Variants in PRSS3 observed in about 807,000 individuals in gnomAD.
The protein encoded by PRSS3 is trypsin-3.
A neutral mutation model predicts 20.8 loss-of-function variants in PRSS3; 14 were observed. The observed-to-expected ratio is 0.67, with a 90% confidence interval of 0.44 to 1.05. The LOEUF (loss-of-function observed/expected upper bound fraction) is 1.05. PRSS3 is among the 50% of genes least tolerant of loss of function. The pLI is 0.00. For missense variants in PRSS3, 237 were observed against 306.4 expected, an observed-to-expected ratio of 0.77 and a Z score of 1.69; for synonymous variants, 91 against 117.6, an observed-to-expected ratio of 0.77 and a Z score of 1.46.
chr9:33,777,531 CAAAAAAAAA>C (rs74180503), intron 1 of PRSS3, among the ~76,000 whole-genome samples: 2 of 101,874 alleles, frequency 2.0e-5, no homozygotes, highest in African/African-American at 4.0e-5. Context: ...CTAAAAATAC[CAAAAAAAAA>C]AAAAAAAAAA....
intron 3 of PRSS3, 83 bp from the exon 4 acceptor site, chr9:33,798,403 C>T (rs1825128960): frequency 6.3e-7 from 1 of 1,583,294 alleles, no homozygotes; most frequent in East Asian, 2.2e-5. Context: ...TGTTCCTCTT[C>T]AATGTTCCAT....
chr9:33,786,527 G>T, intron 1 of PRSS3: 3 of 763,368 alleles, frequency 3.9e-6, no homozygotes, highest in Non-Finnish European at 7.2e-6. Flanking sequence ...TCTGGAACTA[G>T]GCTCTGTGTT....
rs1823148565 is a variant in PRSS3 at position 33,760,633 on chromosome 9, C to G, written c.-53+9906C>G. On this transcript the variant is annotated intron_variant, in intron 1 of 5. Coordinates refer to the PRSS3 transcript ENST00000342836. ...TGGTGGCGGGCGTCTATAGTCCCAG[C>G]TACTCGGGAGGCTGAGGCCAGAGAA... 2.6e-5 allele frequency among the ~76,000 whole-genome samples: 4 copies of G among 151,488 alleles called. No homozygotes were observed. The South Asian group carries it at 8.3e-4, about 32-fold the overall frequency.
chr9:33,798,599 G>GA lies in PRSS3; in HGVS notation c.569dup (p.Gly192ArgfsTer8), dbSNP rs775149832. On this transcript the variant is annotated frameshift_variant, in exon 4 of 5. Transcript: ENST00000379405. LOFTEE classifies it high-confidence loss of function. ...CAGCATGTTCTGTGTGGGCTTCCTT[G>GA]AGGGAGGCAAGGATTCCTGCCAGGT... 3.7e-6 allele frequency: 6 copies of GA among 1,614,164 alleles called. No homozygotes were observed. The African/African-American group carries it at 8.0e-5, about 22-fold the overall frequency.
At chr9:33,773,865 C>T (rs1028887749) in intron 1 of PRSS3, among the ~76,000 whole-genome samples, 1 of 152,168 alleles carries the variant, frequency 6.6e-6, no homozygotes, top group Non-Finnish European at 1.5e-5. Context: ...ATCTTGAACT[C>T]CTGGGCTCAA....
Position 33,797,922 on chromosome 9 carries a change from A to G in PRSS3, c.294A>G (p.Lys98=). 1.2e-6 allele frequency: 2 copies of G among 1,614,212 alleles called. No homozygotes were observed. Among genetic ancestry groups the G allele is most frequent in the Non-Finnish European group, 1.7e-6 (2 of 1,180,026 alleles). The part of the protein sequence containing the change: ...INAAKIIRHP[K]YNRDTLDNDI... ...CGGCCAAGATCATCCGCCACCCTAA[A>G]TACAACAGGGACACTCTGGACAATG... Residue 98 remains lysine (K), a synonymous_variant, in exon 3 of 5, where the codon AAA becomes AAG. Coordinates refer to ENST00000379405, the MANE Select transcript of PRSS3 (RefSeq NM_002771.4).
intron 1 of PRSS3, among the ~76,000 whole-genome samples, chr9:33,752,132 A>G (rs1162583320): frequency 6.6e-6 from 1 of 152,174 alleles, no homozygotes; most frequent in African/African-American, 2.4e-5. Flanking sequence ...GAAGAAGGAA[A>G]CAGTGCCCCC....
rs1380838279 is a variant in PRSS3, at chr9:33,750,905, G to A, written c.-53+178G>A. The A allele has an allele frequency of 1.5e-6, 2 of 1,337,828 alleles. No homozygotes were observed. Among genetic ancestry groups the A allele is most frequent in the Non-Finnish European group, 1.9e-6 (2 of 1,045,772 alleles). 82.9% of individuals were successfully genotyped at this position (1,337,828 alleles called of 1,614,324 possible). ...TGGGAGGGGCTCAGGGACAGGGATG[G>A]AGGCTCCTCTAGGGGAGGACGGGAG... On this transcript the variant is annotated intron_variant, in intron 1 of 5. Coordinates refer to the PRSS3 transcript ENST00000342836. This position sits in a 1 kb window ranked among gnomAD's most constrained non-coding sequence, Gnocchi z 4.8.
intron 1 of PRSS3, among the ~76,000 whole-genome samples, chr9:33,781,258 A>G (rs972973948): frequency 5.9e-5 from 9 of 152,214 alleles, no homozygotes; most frequent in Non-Finnish European, 1.2e-4. Flanking sequence ...TGCAATTCAC[A>G]ATAGCAAAGA....
At chr9:33,778,551 T>C (rs1156719908) in intron 1 of PRSS3, among the ~76,000 whole-genome samples, 1 of 152,154 alleles carries the variant, frequency 6.6e-6, no homozygotes, top group Non-Finnish European at 1.5e-5. Flanking sequence ...TGGTAAACAA[T>C]TGGATAATTC....
intron 1 of PRSS3, among the ~76,000 whole-genome samples, chr9:33,776,715 CAGA>C (rs1360634169): frequency 2.0e-5 from 3 of 151,898 alleles, no homozygotes; most frequent in Admixed American, 2.0e-4. Context: ...CAGCTTATGT[CAGA>C]AGAAGGACAC....
At chr9:33,754,286 G>A (rs1822839949) in intron 1 of PRSS3, among the ~76,000 whole-genome samples, 1 of 151,804 alleles carries the variant, frequency 6.6e-6, no homozygotes, top group Admixed American at 6.6e-5. Context: ...TGGTCAGGCT[G>A]GTCTTGAACT....
chr9:33,755,735 T>A (rs1822910895), intron 1 of PRSS3, among the ~76,000 whole-genome samples: 1 of 152,156 alleles, frequency 6.6e-6, no homozygotes, highest in Admixed American at 6.5e-5. Context: ...GTTTGAGAAC[T>A]CATCTCCAAG....
At chr9:33,789,481 G>C (rs1239675916) in intron 1 of PRSS3, among the ~76,000 whole-genome samples, 1 of 152,086 alleles carries the variant, frequency 6.6e-6, no homozygotes, top group Non-Finnish European at 1.5e-5. Context: ...TTTGTTAACT[G>C]TTTCTAGGAT....
chr9:33,768,754 G>A (rs1823557405), intron 1 of PRSS3, among the ~76,000 whole-genome samples: 1 of 152,110 alleles, frequency 6.6e-6, no homozygotes, highest in East Asian at 1.9e-4. Flanking sequence ...TACTCGGGGA[G>A]CTGAGGCAGG....
intron 1 of PRSS3, among the ~76,000 whole-genome samples, chr9:33,783,187 CT>C (rs1364130426): frequency 6.6e-6 from 1 of 152,188 alleles, no homozygotes; most frequent in African/African-American, 2.4e-5. Flanking sequence ...AATCAGAACT[CT>C]GGTTGCCTCT....
At chr9:33,769,686 G>A (rs1311896866) in intron 1 of PRSS3, among the ~76,000 whole-genome samples, 15 of 152,176 alleles carry the variant, frequency 9.9e-5, no homozygotes, top group Admixed American at 9.8e-4. Context: ...TTGGGCCCAG[G>A]GCACACAGAT....
At chr9:33,792,599 A>G (rs1472555235), upstream of PRSS3, among the ~76,000 whole-genome samples, 2 of 152,272 alleles carry the variant, frequency 1.3e-5, no homozygotes, top group Non-Finnish European at 2.9e-5. Context: ...ATGGCAGAGC[A>G]TGGAGGCCCT....
At chr9:33,779,758 A>T (rs556436535) in intron 1 of PRSS3, among the ~76,000 whole-genome samples, 1 of 149,864 alleles carries the variant, frequency 6.7e-6, no homozygotes, top group Non-Finnish European at 1.5e-5. Context: ...AATCCCAGCT[A>T]CTCGGGAGGC....
Sources: allele counts gnomAD v4.1 joint callset (sites outside exome capture counted in the v4.1 genomes callset), GRCh38; gene constraint gnomAD v4.1.1; non-coding constraint Gnocchi (gnomAD v3.1); transcripts MANE v1.5; gene names NCBI Gene and HGNC (gene_info 2026-07-23, HGNC 2026-07-21).